SLC8A1: variants seen among roughly 807,000 people sequenced by gnomAD.
The protein encoded by SLC8A1 is solute carrier family 8 member A1.
In SLC8A1, 18 loss-of-function variants were observed where a neutral mutation model predicts 68.3. The observed-to-expected ratio is 0.26, with a 90% confidence interval of 0.18 to 0.39. SLC8A1 has a LOEUF of 0.39. Ranked by LOEUF, SLC8A1 falls within the 10% of genes least tolerant of loss-of-function variation. The pLI, the probability that SLC8A1 is intolerant of heterozygous loss-of-function variation, is 1.00. For synonymous variants in SLC8A1, 475 were observed against 415.5 expected, an observed-to-expected ratio of 1.14 and a Z score of -1.74; for missense variants, 985 against 1,156.7, an observed-to-expected ratio of 0.85 and a Z score of 2.15.
At chr2:40,406,728 C>T (rs975455509) in intron 2 of SLC8A1, among the ~76,000 whole-genome samples, 9 of 152,160 alleles carry the variant, frequency 5.9e-5, no homozygotes, top group Non-Finnish European at 1.0e-4. Context: ...CATGGTCCTG[C>T]ATTTCGATCT....
intron 2 of SLC8A1, among the ~76,000 whole-genome samples, chr2:40,352,299 T>G (rs1246975925): frequency 6.6e-6 from 1 of 152,180 alleles, no homozygotes; most frequent in Non-Finnish European, 1.5e-5. Flanking sequence ...TTAAGAACAT[T>G]ATCTCTGAAA....
upstream of SLC8A1, among the ~76,000 whole-genome samples, chr2:40,456,341 G>C (rs1017195775): frequency 1.9e-5 from 2 of 107,668 alleles, no homozygotes; most frequent in African/African-American, 6.5e-5. Flanking sequence ...AAAAAAAAAA[G>C]AATTGGGTTT....
chr2:40,162,223 C>G (rs898153294), intron 5 of SLC8A1, among the ~76,000 whole-genome samples: 3 of 152,210 alleles, frequency 2.0e-5, no homozygotes, highest in Admixed American at 1.3e-4. Context: ...CTCTTGGCCA[C>G]CATAACTTGA....
chr2:40,279,462 G>C (rs531639443), intron 2 of SLC8A1, among the ~76,000 whole-genome samples: 42 of 152,200 alleles, frequency 2.8e-4, no homozygotes, highest in Non-Finnish European at 5.4e-4. Context: ...AGTATAAGGA[G>C]AAGTGATTAG....
chr2:40,227,005 A>G (rs2059062797), intron 2 of SLC8A1, among the ~76,000 whole-genome samples: 1 of 152,148 alleles, frequency 6.6e-6, no homozygotes, highest in African/African-American at 2.4e-5. Flanking sequence ...CAGGGACATT[A>G]CTTGATGGGA....
intron 2 of SLC8A1, among the ~76,000 whole-genome samples, chr2:40,221,331 C>T (rs2058303293): frequency 6.6e-6 from 1 of 152,106 alleles, no homozygotes; most frequent in Non-Finnish European, 1.5e-5. Context: ...AAATTCAACA[C>T]CCCTTCATGC....
intron 1 of SLC8A1, among the ~76,000 whole-genome samples, chr2:40,448,115 T>G (rs1050977912): frequency 6.6e-6 from 1 of 152,058 alleles, no homozygotes; most frequent in Non-Finnish European, 1.5e-5. Context: ...TATAAGTCAA[T>G]GCACTGGAAA....
chr2:40,118,615 T>G (rs1361424536), intron 7 of SLC8A1: 2 of 143,012 alleles, frequency 1.4e-5, no homozygotes, highest in Non-Finnish European at 3.1e-5. Flanking sequence ...AAGTTTTTTT[T>G]TTTTTTTTTT....
At position 40,175,397 on chromosome 2, in the gene SLC8A1, C is replaced by T. The variant is rs914913897; in HGVS notation, c.1913-555G>A. The T allele has an allele frequency of 4.1e-4, 405 of 989,646 alleles. 1 individual carries two copies. Among genetic ancestry groups the T allele is most frequent in the Non-Finnish European group, 1.3e-4 (82 of 643,108 alleles). 61.3% of individuals were successfully genotyped at this position (989,646 alleles called of 1,614,324 possible). ...AGATCTGATTACAGTGGTAGGGAGC[C>T]ACTGCTAAAAATGGGTATACCCCAA... On this transcript the variant is annotated intron_variant, in intron 3 of 7. Transcript: ENST00000406785.
At chr2:40,503,143 A>C (rs1706149744) in intron 1 of SLC8A1, among the ~76,000 whole-genome samples, 1 of 152,034 alleles carries the variant, frequency 6.6e-6, no homozygotes, top group South Asian at 2.1e-4. Flanking sequence ...CTCAATAAAG[A>C]GTAAACAAAA....
chr2:40,218,443 T>C (rs1030411990), intron 2 of SLC8A1, among the ~76,000 whole-genome samples: 1 of 152,230 alleles, frequency 6.6e-6, no homozygotes, highest in African/African-American at 2.4e-5. Context: ...ATTACATATT[T>C]GATTGGTACA....
At chr2:40,426,390 T>A (rs1033861840) in intron 2 of SLC8A1, among the ~76,000 whole-genome samples, 1 of 152,038 alleles carries the variant, frequency 6.6e-6, no homozygotes, top group Non-Finnish European at 1.5e-5. Context: ...AATCTAAATT[T>A]CTAAAGATGG....
chr2:40,237,333 T>G (rs1337565005), intron 2 of SLC8A1, among the ~76,000 whole-genome samples: 1 of 152,178 alleles, frequency 6.6e-6, no homozygotes, highest in East Asian at 1.9e-4. Context: ...TAAACTTCCC[T>G]TCTCACTTCA....
At chr2:40,350,217 C>T (rs893779271) in intron 2 of SLC8A1, among the ~76,000 whole-genome samples, 4 of 152,140 alleles carry the variant, frequency 2.6e-5, no homozygotes, top group Non-Finnish European at 5.9e-5. Context: ...TATGGTGGCT[C>T]ATGCCTACAA....
intron 2 of SLC8A1, among the ~76,000 whole-genome samples, chr2:40,299,236 A>G (rs1015545664): frequency 2.0e-5 from 3 of 152,126 alleles, no homozygotes; most frequent in Non-Finnish European, 4.4e-5. Flanking sequence ...TTGTTTCTAC[A>G]TCTCCTGGCA....
chr2:40,157,074 G>A (rs2044674879), intron 6 of SLC8A1, among the ~76,000 whole-genome samples: 1 of 152,294 alleles, frequency 6.6e-6, no homozygotes, highest in Admixed American at 6.5e-5. Flanking sequence ...TACCATGAAA[G>A]AAAGAAGTTA....
chr2:40,332,598 G>A (rs926214482), intron 2 of SLC8A1, among the ~76,000 whole-genome samples: 1 of 152,120 alleles, frequency 6.6e-6, no homozygotes, highest in Non-Finnish European at 1.5e-5. Context: ...AAATGGCTTA[G>A]GAACATAATT....
chr2:40,277,814 A>G (rs1025709857), intron 2 of SLC8A1, among the ~76,000 whole-genome samples: 15 of 129,876 alleles, frequency 1.2e-4, no homozygotes, highest in Admixed American at 1.0e-3. Context: ...ATATATATAT[A>G]TATATATATA....
intron 2 of SLC8A1, among the ~76,000 whole-genome samples, chr2:40,284,342 TATAA>T (rs1487975174): frequency 1.5e-5 from 2 of 137,352 alleles, no homozygotes; most frequent in Non-Finnish European, 3.2e-5. Flanking sequence ...GATCTCTCTA[TATAA>T]ATATATATAG....
Sources: allele counts gnomAD v4.1 joint callset (sites outside exome capture counted in the v4.1 genomes callset), GRCh38; gene constraint gnomAD v4.1.1; transcripts MANE v1.5; gene names NCBI Gene and HGNC (gene_info 2026-07-23, HGNC 2026-07-21).